Variants in ADGRV1 observed in about 807,000 individuals in gnomAD.
ADGRV1 encodes the protein G-protein coupled receptor 98.
In ADGRV1, 359 loss-of-function variants were observed where a neutral mutation model predicts 596.2. The ratio of observed to expected loss-of-function variants is 0.60; its 90% CI spans 0.55 to 0.66. ADGRV1 has a LOEUF of 0.66. ADGRV1 is among the 30% of genes least tolerant of loss of function. The pLI is 0.00. For synonymous variants in ADGRV1, 2,681 were observed against 2,679.2 expected, an observed-to-expected ratio of 1.00 and a Z score of -0.02; for missense variants, 7,274 against 7,575.6, an observed-to-expected ratio of 0.96 and a Z score of 1.48.
intron 6 of ADGRV1, among the ~76,000 whole-genome samples, chr5:90,626,957 A>T (rs556510805): frequency 6.6e-6 from 1 of 152,314 alleles, no homozygotes; most frequent in South Asian, 2.1e-4. Context: ...TTAAGGCTGA[A>T]AGACATTATA....
At position 90,563,288 on chromosome 5, in the gene ADGRV1, G is replaced by C. The variant is rs1003153172; in HGVS notation, c.22+4371G>C. ...TTGGTTACATGCAACGAAGTACTTG[G>C]GTTTATAATTTGCTGCTCTGTCTGA... is the stretch of plus-strand genomic sequence containing the variant. On this transcript the variant is annotated intron_variant, in intron 1 of 89. Coordinates refer to ENST00000405460, the MANE Select transcript of ADGRV1 (RefSeq NM_032119.4). Among the ~76,000 whole-genome samples, 19 of 152,304 alleles carry C rather than the reference G, an allele frequency of 1.2e-4. 1 individual carries two copies. Among genetic ancestry groups the C allele is most frequent in the African/African-American group, 4.6e-4 (19 of 41,560 alleles).
At chr5:90,875,320 A>T (rs957607808) in intron 83 of ADGRV1, among the ~76,000 whole-genome samples, 2 of 152,268 alleles carry the variant, frequency 1.3e-5, no homozygotes, top group Admixed American at 6.5e-5. Flanking sequence ...ATGCAGAATT[A>T]ATTTTCCCAG....
intron 24 of ADGRV1, 70 bp downstream of exon 24, chr5:90,675,515 A>G (rs1773108898): frequency 3.0e-6 from 4 of 1,351,464 alleles, no homozygotes; most frequent in Admixed American, 3.9e-5. Flanking sequence ...TCTGGAAGGG[A>G]TATACACTGT....
At position 90,755,056 on chromosome 5, in the gene ADGRV1, A is replaced by G; in HGVS notation, c.11451A>G (p.Arg3817=). The G allele has an allele frequency of 6.2e-7, 1 of 1,612,670 alleles. No homozygotes were observed. The highest frequency in any genetic ancestry group is 8.5e-7 in the Non-Finnish European group (1 of 1,178,748). The part of the protein sequence containing the change: ...GLLGDIAIHL[R]AQPNFLLHVD... ...TTGGGGATATTGCCATTCACTTGAG[A>G]GCTCAACCCAATTTCTTACTGCATG... Residue 3817 remains arginine, a synonymous_variant, in exon 55 of 90, where the codon AGA becomes AGG. Transcript: ENST00000405460.
At chr5:91,107,426 T>TGTTTTTGTTTTG (rs1213475496) in intron 87 of ADGRV1, among the ~76,000 whole-genome samples, 264 of 37,008 alleles carry the variant, frequency 7.1e-3, no homozygotes, top group African/African-American at 9.7e-3. Flanking sequence ...CGTTTTGTTT[T>TGTTTTTGTTTTG]GTTTTTGTTT....
intron 50 of ADGRV1, among the ~76,000 whole-genome samples, chr5:90,739,724 CA>C (rs1234256452): frequency 3.3e-5 from 5 of 152,184 alleles, no homozygotes; most frequent in African/African-American, 1.2e-4. Context: ...TATATCTGCA[CA>C]GGGCCACCTA....
At chr5:90,993,616 C>T (rs747115934) in intron 85 of ADGRV1, among the ~76,000 whole-genome samples, 8 of 152,062 alleles carry the variant, frequency 5.3e-5, no homozygotes, top group Admixed American at 2.0e-4. Flanking sequence ...GTTTTCAATT[C>T]TCTTGAGTAT....
At chr5:90,916,692 G>C (rs1243360469) in intron 83 of ADGRV1, among the ~76,000 whole-genome samples, 1 of 143,518 alleles carries the variant, frequency 7.0e-6, no homozygotes, top group Admixed American at 7.1e-5. Context: ...GAGTGCAGTG[G>C]CGGGATCTCG....
At chr5:90,829,324 C>A in intron 77 of ADGRV1, 138 bp downstream of exon 77, 1 of 765,650 alleles carries the variant, frequency 1.3e-6, no homozygotes, top group Non-Finnish European at 1.9e-6. Flanking sequence ...TTACATTAAG[C>A]TTTATCCTTG....
chr5:91,020,388 C>T (rs544582468), intron 85 of ADGRV1, among the ~76,000 whole-genome samples: 1 of 152,170 alleles, frequency 6.6e-6, no homozygotes, highest in Admixed American at 6.6e-5. Context: ...GCTTCCATTA[C>T]ATATGACTTT....
intron 21 of ADGRV1, among the ~76,000 whole-genome samples, chr5:90,668,139 C>G (rs1347590634): frequency 6.6e-6 from 1 of 151,768 alleles, no homozygotes; most frequent in East Asian, 1.9e-4. Context: ...GGGCTCCACC[C>G]AGTCTGAGCT....
At chr5:91,059,418 G>C (rs1010320465) in intron 85 of ADGRV1, among the ~76,000 whole-genome samples, 1 of 151,992 alleles carries the variant, frequency 6.6e-6, no homozygotes, top group Non-Finnish European at 1.5e-5. Flanking sequence ...ATCAGTAAAA[G>C]GCTTCTCCTC....
At chr5:90,978,023 A>G (rs916543650) in intron 84 of ADGRV1, among the ~76,000 whole-genome samples, 7 of 152,134 alleles carry the variant, frequency 4.6e-5, no homozygotes, top group Non-Finnish European at 1.0e-4. Flanking sequence ...TTGACTGGGC[A>G]CGGTAGCTCA....
At chr5:90,832,006 C>T (rs970740734) in intron 77 of ADGRV1, among the ~76,000 whole-genome samples, 2 of 152,180 alleles carry the variant, frequency 1.3e-5, no homozygotes, top group African/African-American at 4.8e-5. Flanking sequence ...GGTTCCAAAT[C>T]TTGACTGTGG....
intron 6 of ADGRV1, among the ~76,000 whole-genome samples, 173 bp from the exon 7 acceptor site, chr5:90,627,038 G>A (rs932796649): frequency 3.3e-5 from 5 of 152,080 alleles, no homozygotes; most frequent in African/African-American, 1.2e-4. Flanking sequence ...TTATTTACCT[G>A]TGGAAAATAT....
At chr5:90,958,764 T>C (rs1581631384) in intron 83 of ADGRV1, among the ~76,000 whole-genome samples, 1 of 152,214 alleles carries the variant, frequency 6.6e-6, no homozygotes, top group African/African-American at 2.4e-5. Flanking sequence ...AGACCTCTTC[T>C]TAACTTAATT....
intron 83 of ADGRV1, among the ~76,000 whole-genome samples, chr5:90,874,908 G>A (rs1013384645): frequency 6.6e-6 from 1 of 152,016 alleles, no homozygotes; most frequent in Admixed American, 6.6e-5. Context: ...AAACAATGAA[G>A]TTAAAAGAAA....
Position 90,711,062 on chromosome 5 carries a change from A to G in ADGRV1, c.8903+3A>G. The G allele has an allele frequency of 1.2e-6, 2 of 1,605,438 alleles. No individual in the cohort carries two copies. The highest frequency in any genetic ancestry group is 1.7e-6 in the Non-Finnish European group (2 of 1,174,678). ...GTAATTGAATGGCAACAAAGCAGGT[A>G]AGGCCAAGGCTGCATGAGAGCCCTC... On this transcript the variant is annotated splice_donor_region_variant and intron_variant, in intron 40 of 89. Transcript: ENST00000405460.
rs143740517 is a variant in ADGRV1, at chr5:91,159,822, A to G, written c.18803-3960A>G. 1.1e-4 allele frequency among the ~76,000 whole-genome samples: 16 copies of G among 152,374 alleles called. No individual in the cohort carries two copies. In the South Asian group the frequency reaches 1.2e-3, roughly 12 times the overall value. On this transcript the variant is annotated intron_variant, in intron 89 of 89. Transcript: ENST00000405460. ...CATTTTAGGGAAGAGGAGAAAGTTC[A>G]GAGCAAACTAGAACAAAGACTCAGG...
Sources: gnomAD v4.1 joint callset for allele counts (sites outside exome capture counted in the v4.1 genomes callset) on GRCh38, gnomAD v4.1.1 for gene constraint, MANE v1.5 for transcripts, NCBI Gene and HGNC (gene_info 2026-07-23, HGNC 2026-07-21) for gene names.